The following SCARB2 variants were observed in gnomAD, a reference collection of about 807,000 sequenced individuals.
The protein encoded by SCARB2 is lysosome membrane protein 2.
Under a neutral mutation model 58.6 loss-of-function variants are expected in SCARB2, and 29 were observed. The observed-to-expected ratio is 0.49, with a 90% CI of 0.37 to 0.67. The LOEUF (loss-of-function observed/expected upper bound fraction) is 0.67, where lower values mean the gene tolerates loss of function less well. SCARB2 is among the 30% of genes least tolerant of loss of function. The pLI is 0.00. For missense variants in SCARB2, 488 were observed against 578.5 expected (o/e 0.84, Z 1.60); for synonymous variants, 195 against 210.1 (o/e 0.93, Z 0.62).
rs78286464 is a variant in SCARB2 at position 76,225,191 on chromosome 4, G to A, written c.-358+9112C>T. 2.7e-3 allele frequency among the ~76,000 whole-genome samples: 418 copies of A among 152,130 alleles called. 5 individuals carry two copies. Among genetic ancestry groups the A allele is most frequent in the African/African-American group, 9.7e-3 (403 of 41,480 alleles). On this transcript the variant is annotated intron_variant, in intron 1 of 11. Coordinates refer to the SCARB2 transcript ENST00000638295. The stretch of plus-strand genomic sequence containing the variant: ...ACATTTTCTTTATCCACTCGCACTC[G>A]TTGGCACTTGAGCTGGTTCCATATT...
At chr4:76,203,291 T>C (rs1179020901) in intron 1 of SCARB2, among the ~76,000 whole-genome samples, 2 of 152,168 alleles carry the variant, frequency 1.3e-5, no homozygotes, top group Non-Finnish European at 2.9e-5. Flanking sequence ...AGTGAATAAT[T>C]TCTTAGAATA....
At chr4:76,220,227 G>A (rs1230542926) in intron 1 of SCARB2, among the ~76,000 whole-genome samples, 1 of 152,156 alleles carries the variant, frequency 6.6e-6, no homozygotes, top group African/African-American at 2.4e-5. Flanking sequence ...TAGCAGCATT[G>A]TTCACAATAG....
rs532836500 is a variant in SCARB2 at position 76,213,627 on chromosome 4, G to A, written c.-84C>T. On this transcript the variant is annotated 5_prime_UTR_variant, in exon 1 of 12. Transcript: ENST00000264896. ...AGGGAGGAGCCGCCGCAGAGGCGTC[G>A]AAGACCCGGGACCCTTCGGCGCCAC... The A allele has an allele frequency of 3.6e-6, 4 of 1,107,952 alleles. No homozygotes were observed. In the African/African-American group the frequency reaches 6.2e-5, roughly 17 times the overall value. 68.6% of individuals were successfully genotyped at this position (1,107,952 alleles called of 1,614,324 possible).
intron 8 of SCARB2, 130 bp from the exon 9 acceptor site, chr4:76,168,606 G>A (rs1732064298): frequency 1.3e-6 from 1 of 748,614 alleles, no homozygotes; most frequent in East Asian, 2.5e-5. Context: ...AGGCAGAGTG[G>A]AAACAAGTAA....
At chr4:76,184,501 C>T (rs1732446734) in intron 2 of SCARB2, among the ~76,000 whole-genome samples, 1 of 152,206 alleles carries the variant, frequency 6.6e-6, no homozygotes, top group African/African-American at 2.4e-5. Context: ...CCCTGATTTG[C>T]TTTCCTCTCT....
chr4:76,205,939 G>C (rs1011063757), intron 1 of SCARB2, among the ~76,000 whole-genome samples: 2 of 152,256 alleles, frequency 1.3e-5, no homozygotes, highest in Non-Finnish European at 2.9e-5. Flanking sequence ...AGCCAATAAG[G>C]GCGCAAAGGA....
At chr4:76,180,793 C>T in intron 3 of SCARB2, 161 bp downstream of exon 3, 1 of 501,198 alleles carries the variant, frequency 2.0e-6, no homozygotes. Flanking sequence ...GAAAAAAGTC[C>T]AAGATGTACT....
intron 1 of SCARB2, among the ~76,000 whole-genome samples, chr4:76,202,753 A>G (rs944520189): frequency 2.6e-5 from 4 of 152,200 alleles, no homozygotes; most frequent in African/African-American, 9.7e-5. Flanking sequence ...ATTTTAAACA[A>G]AATTGAGATC....
intron 2 of SCARB2, among the ~76,000 whole-genome samples, chr4:76,186,334 G>A (rs1351682800): frequency 6.6e-6 from 1 of 152,184 alleles, no homozygotes; most frequent in Non-Finnish European, 1.5e-5. Context: ...AGAAAGCTGT[G>A]GTCCTGGAGG....
chr4:76,185,957 A>T (rs1732477841), intron 2 of SCARB2, among the ~76,000 whole-genome samples: 1 of 152,184 alleles, frequency 6.6e-6, no homozygotes, highest in Non-Finnish European at 1.5e-5. Flanking sequence ...AATCCACATA[A>T]ATCCAGTTAC....
chr4:76,179,824 T>C, intron 3 of SCARB2, 119 bp from the exon 4 acceptor site: 1 of 843,434 alleles, frequency 1.2e-6, no homozygotes, highest in East Asian at 2.4e-5. Context: ...TGAGATTAAA[T>C]AGCTGAAAAA....
At chr4:76,162,063 T>G in intron 11 of SCARB2, 2 of 445,312 alleles carry the variant, frequency 4.5e-6, no homozygotes, top group South Asian at 4.8e-5. Context: ...TACTAAGGAG[T>G]AGTGTCTCAG....
Position 76,174,233 on chromosome 4 carries a change from A to G in SCARB2, c.905T>C (p.Leu302Ser), listed in dbSNP as rs766008915. The G allele has an allele frequency of 6.2e-7, 1 of 1,614,096 alleles. No individual in the cohort carries two copies. Among genetic ancestry groups the G allele is most frequent in the African/African-American group, 1.3e-5 (1 of 74,944 alleles). ...GCCGGCATTGTCTGACGTATTGGCT[A>G]ATATTTCTGCAGGAACTTTATACCG... is the stretch of plus-strand genomic sequence containing the variant. Reference protein sequence around the residue: ...AFRYKVPAEILANTSDNAGFC... With the variant: ...AFRYKVPAEISANTSDNAGFC... Residue 302 changes from leucine to serine, a missense_variant, in exon 7 of 12, where the codon TTA (leucine) becomes TCA (serine). Physicochemically the swap from Leu to Ser is moderately radical, Grantham distance 145 (BLOSUM62 -2). Coordinates refer to ENST00000264896, the MANE Select transcript of SCARB2 (RefSeq NM_005506.4).
upstream of SCARB2, among the ~76,000 whole-genome samples, chr4:76,215,729 G>A (rs1397742074): frequency 6.6e-6 from 1 of 152,100 alleles, no homozygotes; most frequent in Non-Finnish European, 1.5e-5. Flanking sequence ...CCCGGAGACT[G>A]CTGCAGAGAA....
intron 1 of SCARB2, among the ~76,000 whole-genome samples, chr4:76,212,182 T>G (rs1334324955): frequency 6.6e-6 from 1 of 152,216 alleles, no homozygotes; most frequent in Non-Finnish European, 1.5e-5. Context: ...CAGCTCACCA[T>G]GGATTTGGAC....
intron 1 of SCARB2, 79 bp from the exon 2 acceptor site, chr4:76,195,943 G>T: frequency 9.3e-7 from 1 of 1,071,144 alleles, no homozygotes; most frequent in Non-Finnish European, 1.4e-6. Flanking sequence ...AGGAAGGGAC[G>T]CCCCCTATTC....
At chr4:76,189,710 G>T (rs926833295) in intron 2 of SCARB2, among the ~76,000 whole-genome samples, 2 of 152,042 alleles carry the variant, frequency 1.3e-5, no homozygotes, top group African/African-American at 4.8e-5. Flanking sequence ...GACCTCAAGT[G>T]ATCTGCCTAC....
chr4:76,226,594 A>G (rs187790118), intron 1 of SCARB2, among the ~76,000 whole-genome samples: 1 of 152,256 alleles, frequency 6.6e-6, no homozygotes, highest in Admixed American at 6.5e-5. Flanking sequence ...CATAGGCCAC[A>G]AGGGGTTTTG....
chr4:76,183,011 G>GT (rs1732416771), intron 2 of SCARB2, among the ~76,000 whole-genome samples: 1 of 152,080 alleles, frequency 6.6e-6, no homozygotes, highest in Non-Finnish European at 1.5e-5. Flanking sequence ...TCTGTATATT[G>GT]TATCTCTTTA....
Sources: allele counts gnomAD v4.1 joint callset (sites outside exome capture counted in the v4.1 genomes callset), GRCh38; gene constraint gnomAD v4.1.1; transcripts MANE v1.5; gene names NCBI Gene and HGNC (gene_info 2026-07-23, HGNC 2026-07-21).